FTCDNL1: variants seen among roughly 807,000 people sequenced by gnomAD.
FTCDNL1 encodes formiminotransferase cyclodeaminase N-terminal like.
A neutral mutation model predicts 5.9 loss-of-function variants in FTCDNL1; 11 were observed. That is an observed-to-expected ratio of 1.87 (90% CI 1.18 to 3.10). The LOEUF (loss-of-function observed/expected upper bound fraction) is 3.10. Among genes scored for constraint, FTCDNL1 ranks in the 30% most tolerant of loss-of-function variants. The probability of loss-of-function intolerance (pLI) is 0.00; values close to 1 mark genes in which losing one functional copy is unlikely to be tolerated. For synonymous variants in FTCDNL1, 58 were observed against 24.8 expected (o/e 2.34, Z -3.99); for missense variants, 115 against 65.5 (o/e 1.76, Z -2.61).
downstream of FTCDNL1, among the ~76,000 whole-genome samples, chr2:199,809,042 T>A (rs1700880842): frequency 6.6e-6 from 1 of 152,126 alleles, no homozygotes; most frequent in Non-Finnish European, 1.5e-5. Context: ...GCATTTTCTC[T>A]CTTCACCAGA....
At chr2:199,717,567 G>T in the FTCDNL1 span, among the ~76,000 whole-genome samples, 1 of 121,806 alleles carries the variant, frequency 8.2e-6, no homozygotes, top group Non-Finnish European at 1.6e-5. Flanking sequence ...GAAGGCCTCT[G>T]CTGCTTTCAT....
intron 3 of FTCDNL1, among the ~76,000 whole-genome samples, chr2:199,832,646 G>A (rs1702446764): frequency 6.6e-6 from 1 of 151,964 alleles, no homozygotes; most frequent in Non-Finnish European, 1.5e-5. Context: ...TACCTTATTT[G>A]GAATCTTGAT....
chr2:199,733,503 G>C, the FTCDNL1 span, among the ~76,000 whole-genome samples: 1 of 152,196 alleles, frequency 6.6e-6, no homozygotes, highest in Admixed American at 6.5e-5. Context: ...AGGCCCAAAA[G>C]AGCATCACTG....
downstream of FTCDNL1, among the ~76,000 whole-genome samples, chr2:199,759,785 T>C (rs1370193097): frequency 6.6e-6 from 1 of 152,174 alleles, no homozygotes; most frequent in African/African-American, 2.4e-5. Flanking sequence ...TAAAACCAAT[T>C]GTTTCTCAAA....
chr2:199,709,943 A>G, the FTCDNL1 span, among the ~76,000 whole-genome samples: 1 of 152,054 alleles, frequency 6.6e-6, no homozygotes, highest in Non-Finnish European at 1.5e-5. Flanking sequence ...CTTTTTCTAT[A>G]TTCAGTTGAT....
intron 3 of FTCDNL1, among the ~76,000 whole-genome samples, chr2:199,784,273 T>G (rs142792438): frequency 2.0e-5 from 3 of 152,220 alleles, no homozygotes; most frequent in African/African-American, 7.2e-5. Flanking sequence ...ATTACTACAC[T>G]CAAATGCCTG....
At chr2:199,757,013 G>A (rs187957716), downstream of FTCDNL1, among the ~76,000 whole-genome samples, 22 of 152,312 alleles carry the variant, frequency 1.4e-4, no homozygotes, top group African/African-American at 5.1e-4. Flanking sequence ...AACAAGCAGG[G>A]CATGAATAAT....
chr2:199,776,881 GTA>G (rs1465350583), intron 3 of FTCDNL1, among the ~76,000 whole-genome samples: 1 of 149,856 alleles, frequency 6.7e-6, no homozygotes, highest in Non-Finnish European at 1.5e-5. Flanking sequence ...GTATACGTAT[GTA>G]TAGACACATA....
chr2:199,798,330 A>G (rs995420176), intron 3 of FTCDNL1, among the ~76,000 whole-genome samples: 3 of 152,258 alleles, frequency 2.0e-5, no homozygotes, highest in African/African-American at 7.2e-5. Flanking sequence ...GGAATAAAAC[A>G]GCCCTGTTCT....
rs1302601199 is a variant in FTCDNL1, at chr2:199,811,717, C to A, written c.*988G>T. Among the ~76,000 whole-genome samples the A allele has an allele frequency of 6.6e-6, 1 of 152,234 alleles. No homozygotes were observed. Among genetic ancestry groups the A allele is most frequent in the Non-Finnish European group, 1.5e-5 (1 of 68,046 alleles). Reference sequence around the variant, plus strand: ...GACTTTTCCTGAATCCCTCACCCAGCAAATTCCAAGACATCCTCTTCCATT... The same window carrying A: ...GACTTTTCCTGAATCCCTCACCCAGAAAATTCCAAGACATCCTCTTCCATT... On this transcript the variant is annotated 3_prime_UTR_variant, in exon 5 of 5. Transcript: ENST00000420128.
At chr2:199,686,118 G>T in the FTCDNL1 span, among the ~76,000 whole-genome samples, 1 of 152,198 alleles carries the variant, frequency 6.6e-6, no homozygotes, top group Non-Finnish European at 1.5e-5. Context: ...TGAAGCCAGT[G>T]GGCTATCTCC....
At chr2:199,769,035 C>G (rs1012640636) in intron 3 of FTCDNL1, among the ~76,000 whole-genome samples, 1 of 152,114 alleles carries the variant, frequency 6.6e-6, no homozygotes, top group African/African-American at 2.4e-5. Context: ...AGGGGCGGAA[C>G]ATGTGTGATT....
chr2:199,827,534 T>A (rs1254888925), intron 3 of FTCDNL1, among the ~76,000 whole-genome samples: 1 of 152,172 alleles, frequency 6.6e-6, no homozygotes, highest in Non-Finnish European at 1.5e-5. Context: ...TAAGAAAATA[T>A]TCGAATTGCT....
chr2:199,702,984 G>A, the FTCDNL1 span, among the ~76,000 whole-genome samples: 5 of 152,040 alleles, frequency 3.3e-5, no homozygotes, highest in African/African-American at 1.2e-4. Context: ...GATTATGTAA[G>A]GCCCTAGAGG....
At chr2:199,845,169 G>A (rs1171445855) in intron 3 of FTCDNL1, among the ~76,000 whole-genome samples, 1 of 152,052 alleles carries the variant, frequency 6.6e-6, no homozygotes. Context: ...AGACACCTAA[G>A]AGTTTTGTGA....
chr2:199,739,953 TGGGAGCCGGGCCTGCCA>T, the FTCDNL1 span, among the ~76,000 whole-genome samples: 2 of 152,122 alleles, frequency 1.3e-5, no homozygotes, highest in Non-Finnish European at 2.9e-5. Flanking sequence ...TTGCGAACTC[TGGGAGCCGGGCCTGCCA>T]GGCTCACGTC....
chr2:199,751,776 C>A, the FTCDNL1 span, among the ~76,000 whole-genome samples: 1 of 145,978 alleles, frequency 6.9e-6, no homozygotes, highest in African/African-American at 2.5e-5. Flanking sequence ...TAATTTTGCT[C>A]CTTGACTAGT....
At chr2:199,670,168 G>T in the FTCDNL1 span, among the ~76,000 whole-genome samples, 1 of 152,154 alleles carries the variant, frequency 6.6e-6, no homozygotes, top group Non-Finnish European at 1.5e-5. Flanking sequence ...TTTGCAGAAA[G>T]ATAATGGGTA....
chr2:199,730,883 C>T, the FTCDNL1 span, among the ~76,000 whole-genome samples: 40 of 152,278 alleles, frequency 2.6e-4, no homozygotes, highest in South Asian at 6.8e-3. Context: ...GCTATAAAGA[C>T]ACATGCACAT....
Sources: gnomAD v4.1 joint callset for allele counts (sites outside exome capture counted in the v4.1 genomes callset) on GRCh38, gnomAD v4.1.1 for gene constraint, MANE v1.5 for transcripts, NCBI Gene and HGNC (gene_info 2026-07-23, HGNC 2026-07-21) for gene names.